RELL1: variants seen among roughly 807,000 people sequenced by gnomAD.
The protein encoded by RELL1 is RELT like 1, also known as RELT-like protein 1.
A neutral mutation model predicts 23.0 loss-of-function variants in RELL1; 10 were observed. The observed-to-expected ratio is 0.43, with a 90% CI of 0.27 to 0.74. The LOEUF is 0.74. Ranked by LOEUF, RELL1 falls within the 30% of genes least tolerant of loss-of-function variation. The probability of loss-of-function intolerance (pLI) is 0.19; values close to 1 mark genes in which losing one functional copy is unlikely to be tolerated. For missense variants in RELL1, 315 were observed against 364.4 expected (o/e 0.86, Z 1.10); for synonymous variants, 146 against 146.8 (o/e 0.99, Z 0.04).
intron 1 of RELL1, among the ~76,000 whole-genome samples, chr4:37,683,214 T>C (rs968995810): frequency 6.6e-6 from 1 of 152,154 alleles, no homozygotes; most frequent in Non-Finnish European, 1.5e-5. Flanking sequence ...TCATATTCTA[T>C]TTTTCCTCTG....
At chr4:37,661,352 T>C (rs1013069752) in intron 1 of RELL1, among the ~76,000 whole-genome samples, 2 of 152,176 alleles carry the variant, frequency 1.3e-5, no homozygotes, top group African/African-American at 4.8e-5. Context: ...CAATCTCAGC[T>C]CACTGCAACC....
downstream of RELL1, among the ~76,000 whole-genome samples, chr4:37,589,322 C>G (rs1718476800): frequency 1.3e-5 from 2 of 152,190 alleles, no homozygotes. Context: ...AATATACTGT[C>G]TTTTTAATCA....
chr4:37,683,726 TC>T (rs1485409405), intron 1 of RELL1, among the ~76,000 whole-genome samples: 1 of 145,034 alleles, frequency 6.9e-6, no homozygotes, highest in Non-Finnish European at 1.5e-5. Context: ...CCACTGCACC[TC>T]AGCCTGGGAG....
At chr4:37,609,282 C>T (rs891741980), downstream of RELL1, among the ~76,000 whole-genome samples, 1 of 152,190 alleles carries the variant, frequency 6.6e-6, no homozygotes, top group African/African-American at 2.4e-5. Flanking sequence ...GATAACAGCA[C>T]ATCTGTTGAC....
intron 6 of RELL1, among the ~76,000 whole-genome samples, chr4:37,598,084 T>TATATATATATAC (rs1193456329): frequency 7.0e-6 from 1 of 142,648 alleles, no homozygotes; most frequent in Non-Finnish European, 1.5e-5. Context: ...TCATAATATA[T>TATATATATATAC]ATATATATAT....
intron 3 of RELL1, among the ~76,000 whole-genome samples, chr4:37,643,582 C>G (rs1720598115): frequency 6.6e-6 from 1 of 152,110 alleles, no homozygotes; most frequent in African/African-American, 2.4e-5. Flanking sequence ...AAGGAAAAGT[C>G]ATGGTACACG....
At chr4:37,599,735 A>G (rs1160064375) in intron 6 of RELL1, among the ~76,000 whole-genome samples, 1 of 152,134 alleles carries the variant, frequency 6.6e-6, no homozygotes, top group African/African-American at 2.4e-5. Flanking sequence ...GTCTACTGTC[A>G]ATGGTATTTT....
At chr4:37,660,962 C>T (rs1223512251) in intron 1 of RELL1, among the ~76,000 whole-genome samples, 5 of 151,050 alleles carry the variant, frequency 3.3e-5, no homozygotes, top group Non-Finnish European at 5.9e-5. Context: ...ACCCGGGAGG[C>T]GGAGCTTGCA....
chr4:37,600,866 T>C (rs915131536), intron 6 of RELL1, among the ~76,000 whole-genome samples: 3 of 152,002 alleles, frequency 2.0e-5, no homozygotes, highest in Non-Finnish European at 4.4e-5. Context: ...CCCATATATT[T>C]TTTCAATTTG....
chr4:37,590,977 G>A (rs775845020), exon 7 of RELL1: 7 of 1,612,654 alleles, frequency 4.3e-6, no homozygotes, highest in Non-Finnish European at 5.9e-6. Context: ...TACTGCAGGA[G>A]AAGATTTGGA....
chr4:37,669,071 C>G (rs1394326792), intron 1 of RELL1, among the ~76,000 whole-genome samples: 5 of 134,172 alleles, frequency 3.7e-5, no homozygotes, highest in African/African-American at 1.3e-4. Context: ...GTCAGCCCCC[C>G]GCCTGGCCAG....
chr4:37,594,557 T>G (rs1718762634), intron 6 of RELL1, among the ~76,000 whole-genome samples: 2 of 152,186 alleles, frequency 1.3e-5, no homozygotes, highest in African/African-American at 4.8e-5. Context: ...AGATTTAACT[T>G]TTTACTGGGG....
chr4:37,622,849 G>A (rs550160253), intron 6 of RELL1: 18 of 440,798 alleles, frequency 4.1e-5, no homozygotes, highest in East Asian at 2.2e-4. Flanking sequence ...TTGTCACCCC[G>A]GCTGAAGTGC....
At chr4:37,622,031 A>G (rs1002316929) in intron 6 of RELL1, among the ~76,000 whole-genome samples, 1 of 152,236 alleles carries the variant, frequency 6.6e-6, no homozygotes, top group Non-Finnish European at 1.5e-5. Flanking sequence ...GCCACTCCCA[A>G]CAACTGAGGA....
At chr4:37,670,514 A>G (rs895609845) in intron 1 of RELL1, among the ~76,000 whole-genome samples, 7 of 152,164 alleles carry the variant, frequency 4.6e-5, no homozygotes, top group Non-Finnish European at 8.8e-5. Context: ...ACTATAAAAC[A>G]CAATGTAAAC....
intron 6 of RELL1, among the ~76,000 whole-genome samples, chr4:37,616,157 G>T (rs183714573): frequency 0.018 from 2,743 of 152,278 alleles, 95 homozygotes; most frequent in African/African-American, 0.063. Flanking sequence ...CTCTGTGCCA[G>T]GTACTGTCAT....
chr4:37,593,736 G>T (rs1379562171), intron 6 of RELL1, among the ~76,000 whole-genome samples: 1 of 152,256 alleles, frequency 6.6e-6, no homozygotes, highest in Non-Finnish European at 1.5e-5. Flanking sequence ...TGCCACAGGA[G>T]GTCTCAAAAC....
Position 37,612,931 on chromosome 4 carries a change from C to T in RELL1, c.*415G>A, listed in dbSNP as rs1323595575. The T allele has an allele frequency of 1.3e-5, 2 of 152,226 alleles. No individual in the cohort carries two copies. The highest frequency in any genetic ancestry group is 2.9e-5 in the Non-Finnish European group (2 of 68,086). 9.4% of individuals were successfully genotyped at this position (152,226 alleles called of 1,614,324 possible). A position where few individuals can be genotyped will look rare whatever the true frequency, so the allele number is the denominator to read the frequency against. On this transcript the variant is annotated 3_prime_UTR_variant, in exon 7 of 7. Transcript: ENST00000454158. ...TGCAGGAACTGGAAAAAGAAACACA[C>T]ACTCACGTGCACACATGCATACACA...
intron 6 of RELL1, among the ~76,000 whole-genome samples, chr4:37,593,835 C>T (rs568793577): frequency 1.3e-5 from 2 of 152,208 alleles, no homozygotes; most frequent in Admixed American, 6.5e-5. Context: ...ACCTTTGGTC[C>T]GGGGGAAGGA....
Sources: allele counts gnomAD v4.1 joint callset (sites outside exome capture counted in the v4.1 genomes callset), GRCh38; gene constraint gnomAD v4.1.1; transcripts MANE v1.5; gene names NCBI Gene and HGNC (gene_info 2026-07-23, HGNC 2026-07-21).